Variants in ELAPOR1 observed in about 807,000 individuals in gnomAD.
ELAPOR1 encodes endosome/lysosome-associated apoptosis and autophagy regulator 1.
In ELAPOR1, 77 loss-of-function variants were observed where a neutral mutation model predicts 119.7. That is an observed-to-expected ratio of 0.64 (90% CI 0.54 to 0.78). ELAPOR1 has a LOEUF of 0.78. ELAPOR1 is among the 30% of genes least tolerant of loss of function. ELAPOR1 has a pLI of 0.00. For missense variants in ELAPOR1, 1,115 were observed against 1,270.4 expected (o/e 0.88, Z 1.86); for synonymous variants, 481 against 487.2 (o/e 0.99, Z 0.17).
At position 109,155,914 on chromosome 1, in the gene ELAPOR1, G is replaced by A. The variant is rs1218536055; in HGVS notation, c.154-5980G>A. Among the ~76,000 whole-genome samples, 3 of 152,158 alleles carry A rather than the reference G, an allele frequency of 2.0e-5. No individual in the cohort carries two copies. The East Asian group carries it at 5.8e-4, about 29-fold the overall frequency. On this transcript the variant is annotated intron_variant, in intron 1 of 21. Transcript: ENST00000369939. ...TTCCAGCACTTTGTGAGGCCAAAGT[G>A]GAAGGATTGCTTGAGTCCAGGAGTT...
At chr1:109,174,286 G>A (rs1385190563) in intron 7 of ELAPOR1, among the ~76,000 whole-genome samples, 6 of 151,258 alleles carry the variant, frequency 4.0e-5, no homozygotes, top group African/African-American at 1.5e-4. Context: ...CAAGCTGTGA[G>A]CCTATAATCT....
At chr1:109,184,950 C>A in intron 7 of ELAPOR1, 95 bp from the exon 8 acceptor site, 3 of 868,762 alleles carry the variant, frequency 3.5e-6, no homozygotes, top group Non-Finnish European at 2.0e-6. Flanking sequence ...TGTGGCAATG[C>A]ACCCAGGGAC....
intron 3 of ELAPOR1, 30 bp from the exon 4 acceptor site, chr1:109,171,836 C>G (rs2101058321): frequency 6.2e-7 from 1 of 1,612,646 alleles, no homozygotes; most frequent in East Asian, 2.2e-5. Flanking sequence ...TGTGCTCCTG[C>G]CTGTGAACCT....
chr1:109,127,551 T>C (rs1425123706), intron 1 of ELAPOR1, among the ~76,000 whole-genome samples: 3 of 151,808 alleles, frequency 2.0e-5, no homozygotes, highest in African/African-American at 7.3e-5. Context: ...TGATATGATG[T>C]TACCTTTTTA....
At chr1:109,178,013 T>TTC (rs1233455007) in intron 7 of ELAPOR1, among the ~76,000 whole-genome samples, 9 of 147,072 alleles carry the variant, frequency 6.1e-5, no homozygotes, top group Admixed American at 3.4e-4. Flanking sequence ...TTTTCTTTCT[T>TTC]TTTTTTTTTT....
chr1:109,192,456 G>A (rs1557697679), intron 13 of ELAPOR1, among the ~76,000 whole-genome samples, 155 bp from the exon 14 acceptor site: 1 of 152,144 alleles, frequency 6.6e-6, no homozygotes, highest in Non-Finnish European at 1.5e-5. Flanking sequence ...CACACGAAGA[G>A]CTACTGGTAA....
chr1:109,122,015 G>A (rs939765612), intron 1 of ELAPOR1, among the ~76,000 whole-genome samples: 14 of 150,964 alleles, frequency 9.3e-5, no homozygotes, highest in African/African-American at 2.2e-4. Flanking sequence ...CTTGTGATCC[G>A]CCCACCTTGG....
intron 2 of ELAPOR1, among the ~76,000 whole-genome samples, chr1:109,163,973 G>A (rs1204472222): frequency 6.6e-6 from 1 of 152,132 alleles, no homozygotes; most frequent in African/African-American, 2.4e-5. Flanking sequence ...CAAAGGAAAC[G>A]AGTGCCAGGA....
At chr1:109,139,595 G>C (rs1165344537) in intron 1 of ELAPOR1, among the ~76,000 whole-genome samples, 2 of 152,008 alleles carry the variant, frequency 1.3e-5, no homozygotes, top group Non-Finnish European at 2.9e-5. Flanking sequence ...ATTTGGATTG[G>C]GATTGGAGGA....
chr1:109,189,724 C>A, intron 11 of ELAPOR1, 42 bp downstream of exon 11: 1 of 1,495,976 alleles, frequency 6.7e-7, no homozygotes, highest in Non-Finnish European at 9.3e-7. Context: ...CCAGCTTGGC[C>A]ATATCCGAAT....
At chr1:109,189,437 C>A (rs1389687641) in intron 10 of ELAPOR1, among the ~76,000 whole-genome samples, 155 bp from the exon 11 acceptor site, 1 of 152,186 alleles carries the variant, frequency 6.6e-6, no homozygotes, top group Admixed American at 6.5e-5. Flanking sequence ...GGGTTTTTGA[C>A]CAAAGTGGCA....
intron 1 of ELAPOR1, among the ~76,000 whole-genome samples, chr1:109,123,992 A>T (rs193190539): frequency 1.3e-5 from 2 of 152,154 alleles, no homozygotes; most frequent in Non-Finnish European, 2.9e-5. Context: ...TAGTAGAGAC[A>T]GGGTTTCACC....
At chr1:109,167,263 A>T (rs11102948) in intron 3 of ELAPOR1, among the ~76,000 whole-genome samples, 7 of 151,822 alleles carry the variant, frequency 4.6e-5, no homozygotes, top group African/African-American at 1.5e-4. Context: ...TATCTCTCAG[A>T]GAGGCAGGAT....
chr1:109,190,221 C>T (rs992191427), intron 11 of ELAPOR1, among the ~76,000 whole-genome samples: 9 of 152,250 alleles, frequency 5.9e-5, no homozygotes, highest in Admixed American at 2.0e-4. Flanking sequence ...TGTGCTTTGC[C>T]GCTTACTGGC....
intron 1 of ELAPOR1, among the ~76,000 whole-genome samples, chr1:109,146,263 T>A (rs1202382279): frequency 6.6e-6 from 1 of 151,946 alleles, no homozygotes; most frequent in Non-Finnish European, 1.5e-5. Flanking sequence ...GAGGCTGCAG[T>A]GAGCCGAAAT....
chr1:109,176,404 C>A (rs1652288175), intron 7 of ELAPOR1, among the ~76,000 whole-genome samples: 1 of 152,098 alleles, frequency 6.6e-6, no homozygotes, highest in Admixed American at 6.6e-5. Flanking sequence ...TATATGTAAA[C>A]CCAGCACAAG....
chr1:109,158,455 C>T (rs1196839495), intron 1 of ELAPOR1, among the ~76,000 whole-genome samples: 2 of 152,026 alleles, frequency 1.3e-5, no homozygotes, highest in Admixed American at 6.6e-5. Context: ...AAGCATATTC[C>T]AGTTTCAGGG....
rs1215019911 is a variant in ELAPOR1 at position 109,200,108 on chromosome 1, C to T, written c.2678C>T (p.Ser893Phe). 6.2e-7 allele frequency: 1 copy of T among 1,614,224 alleles called. No individual in the cohort carries two copies. The highest frequency in any genetic ancestry group is 8.5e-7 in the Non-Finnish European group (1 of 1,180,044). Residue 893 changes from serine (S) to phenylalanine (F), a missense_variant, in exon 20 of 22, where the codon TCT becomes TTT. Physicochemically the swap from Ser to Phe is radical, Grantham distance 155 (BLOSUM62 -2). Coordinates refer to ENST00000369939, the MANE Select transcript of ELAPOR1 (RefSeq NM_020775.5). ...REPKLCSGGI[S>F]LPEQRVTICK... is the part of the protein sequence containing the mutation. ...CCCAAGCTATGCTCTGGTGGCATTT[C>T]TCTGCCTGAGCAGAGAGTCACCATC...
In ELAPOR1 at chr1:109,200,055, A is replaced by G. The variant is rs770463599; in HGVS notation, c.2629-4A>G. On this transcript the variant is annotated splice_region_variant and splice_polypyrimidine_tract_variant and intron_variant, in intron 19 of 21. Coordinates refer to ENST00000369939, the MANE Select transcript of ELAPOR1 (RefSeq NM_020775.5). ...TCTGAGTTCCTTGTTTTTCTCCCCA[A>G]CAGAAGACTACTTACGTGTGGCGAG... 5 of 1,613,494 alleles carry G rather than the reference A, an allele frequency of 3.1e-6. No individual in the cohort carries two copies. The highest frequency in any genetic ancestry group is 4.2e-6 in the Non-Finnish European group (5 of 1,179,606).
Sources: gnomAD v4.1 joint callset for allele counts (sites outside exome capture counted in the v4.1 genomes callset) on GRCh38, gnomAD v4.1.1 for gene constraint, MANE v1.5 for transcripts, NCBI Gene and HGNC (gene_info 2026-07-23, HGNC 2026-07-21) for gene names.